DSCAM: variants seen among roughly 807,000 people sequenced by gnomAD.
DSCAM encodes cell adhesion molecule DSCAM.
Under a neutral mutation model 217.7 loss-of-function variants are expected in DSCAM, and 47 were observed. That is an observed-to-expected ratio of 0.22 (90% CI 0.17 to 0.28). The LOEUF is 0.28. DSCAM is among the 10% of genes least tolerant of loss of function. The pLI, the probability that DSCAM is intolerant of heterozygous loss-of-function variation, is 1.00. For missense variants in DSCAM, 2,080 were observed against 2,618.3 expected (o/e 0.79, Z 4.49); for synonymous variants, 1,056 against 1,015.3 (o/e 1.04, Z -0.76).
chr21:40,502,904 T>C (rs2076180982), intron 3 of DSCAM, among the ~76,000 whole-genome samples: 1 of 151,204 alleles, frequency 6.6e-6, no homozygotes, highest in African/African-American at 2.4e-5. Context: ...TTTATAATAT[T>C]ATGTATAATT....
intron 3 of DSCAM, among the ~76,000 whole-genome samples, chr21:40,674,853 G>A (rs1389117088): frequency 6.6e-6 from 1 of 151,920 alleles, no homozygotes; most frequent in East Asian, 1.9e-4. Context: ...GGATGGTCTT[G>A]ACCTCCTGAT....
intron 9 of DSCAM, among the ~76,000 whole-genome samples, chr21:40,299,348 G>A (rs2837560): frequency 0.17 from 26,112 of 151,918 alleles, 4,035 homozygotes; most frequent in African/African-American, 0.4. Context: ...ATTTATTATC[G>A]TGTACCAGTG....
At chr21:40,314,010 T>C (rs1186396638) in intron 8 of DSCAM, among the ~76,000 whole-genome samples, 2 of 152,190 alleles carry the variant, frequency 1.3e-5, no homozygotes, top group Non-Finnish European at 2.9e-5. Flanking sequence ...AGAAAACCAT[T>C]CATTCATTTA....
At chr21:40,793,107 A>G (rs2091661361) in intron 1 of DSCAM, among the ~76,000 whole-genome samples, 4 of 152,216 alleles carry the variant, frequency 2.6e-5, no homozygotes, top group Admixed American at 2.6e-4. Flanking sequence ...CTAAAACATA[A>G]GGTGATAGAT....
chr21:40,443,119 T>C (rs1357476981), intron 3 of DSCAM, among the ~76,000 whole-genome samples: 1 of 152,230 alleles, frequency 6.6e-6, no homozygotes, highest in African/African-American at 2.4e-5. Flanking sequence ...TAAAAATCTA[T>C]ATTAGTGACA....
intron 1 of DSCAM, among the ~76,000 whole-genome samples, chr21:40,738,567 C>G (rs777863703): frequency 6.6e-6 from 1 of 152,118 alleles, no homozygotes; most frequent in African/African-American, 2.4e-5. Context: ...TGGTTCTTGC[C>G]TTTTGGAGAC....
intron 3 of DSCAM, among the ~76,000 whole-genome samples, chr21:40,532,909 T>TGTGC (rs1311548599): frequency 8.8e-6 from 1 of 113,742 alleles, no homozygotes; most frequent in South Asian, 3.0e-4. Flanking sequence ...TGTGTGTGTG[T>TGTGC]GCACACGCAC....
At chr21:40,373,869 T>TA (rs2074923841) in intron 3 of DSCAM, among the ~76,000 whole-genome samples, 1 of 152,236 alleles carries the variant, frequency 6.6e-6, no homozygotes, top group Non-Finnish European at 1.5e-5. Context: ...CATTTAACTC[T>TA]AAACTTTGCT....
intron 3 of DSCAM, among the ~76,000 whole-genome samples, chr21:40,624,527 G>A (rs963921734): frequency 8.5e-5 from 13 of 152,268 alleles, no homozygotes; most frequent in Non-Finnish European, 1.8e-4. Context: ...TGGGGTGAGA[G>A]GCACCTGGAC....
intron 11 of DSCAM, among the ~76,000 whole-genome samples, chr21:40,223,616 T>C (rs984413851): frequency 2.0e-5 from 3 of 152,212 alleles, no homozygotes; most frequent in Non-Finnish European, 2.9e-5. Flanking sequence ...CACATCCATG[T>C]ATCTATCTAA....
chr21:40,168,871 T>C (rs745963424), intron 15 of DSCAM, among the ~76,000 whole-genome samples: 1 of 152,206 alleles, frequency 6.6e-6, no homozygotes, highest in Non-Finnish European at 1.5e-5. Context: ...GTGTGCTTTT[T>C]CTGCGGGTTA....
chr21:40,545,374 G>A (rs959105197), intron 3 of DSCAM, among the ~76,000 whole-genome samples: 4 of 152,122 alleles, frequency 2.6e-5, no homozygotes, highest in African/African-American at 9.7e-5. Flanking sequence ...AATCATTTCT[G>A]CCCAGACAAC....
At chr21:40,213,126 G>A (rs560759530) in intron 11 of DSCAM, among the ~76,000 whole-genome samples, 3 of 152,278 alleles carry the variant, frequency 2.0e-5, no homozygotes, top group East Asian at 1.9e-4. Flanking sequence ...CCTAAGAAAC[G>A]GATGCCATCT....
At chr21:40,325,538 C>G (rs928520694) in intron 8 of DSCAM, among the ~76,000 whole-genome samples, 2 of 152,168 alleles carry the variant, frequency 1.3e-5, no homozygotes, top group African/African-American at 2.4e-5. Flanking sequence ...AAAAGATATT[C>G]ACAATCATTT....
intron 1 of DSCAM, among the ~76,000 whole-genome samples, chr21:40,761,056 C>T (rs1020230415): frequency 6.6e-6 from 1 of 152,218 alleles, no homozygotes; most frequent in South Asian, 2.1e-4. Context: ...TCTACCCTCA[C>T]CTAACCAGGC....
At chr21:40,412,003 G>A (rs967084542) in intron 3 of DSCAM, among the ~76,000 whole-genome samples, 2 of 152,150 alleles carry the variant, frequency 1.3e-5, no homozygotes, top group African/African-American at 4.8e-5. Context: ...TAGTGAATAA[G>A]TCTCACAAGA....
intron 3 of DSCAM, among the ~76,000 whole-genome samples, chr21:40,536,688 G>C (rs894811644): frequency 1.3e-5 from 2 of 152,208 alleles, no homozygotes; most frequent in Non-Finnish European, 2.9e-5. Flanking sequence ...TTACAGGCGT[G>C]AGCCACTGCA....
chr21:40,058,920 T>C (rs779667232), intron 28 of DSCAM, among the ~76,000 whole-genome samples: 1 of 152,350 alleles, frequency 6.6e-6, no homozygotes. Context: ...TTAGTTATTA[T>C]TGAGCTATAA....
intron 11 of DSCAM, among the ~76,000 whole-genome samples, chr21:40,215,225 CAAAAAAAAAAAAAAAAAAAAAAAAA>C (rs1162761613): frequency 1.8e-4 from 1 of 5,484 alleles, no homozygotes; most frequent in African/African-American, 4.3e-4. Context: ...GACTCCGTCT[CAAAAAAAAAAAAAAAAAAAAAAAAA>C]AAAAAAAAAA....
Sources: gnomAD v4.1 joint callset for allele counts (sites outside exome capture counted in the v4.1 genomes callset) on GRCh38, gnomAD v4.1.1 for gene constraint, MANE v1.5 for transcripts, NCBI Gene and HGNC (gene_info 2026-07-23, HGNC 2026-07-21) for gene names.